The following DPP6 variants were observed in gnomAD, a reference collection of about 807,000 sequenced individuals.
DPP6 encodes the protein dipeptidyl peptidase like 6.
DPP6 carries 69 observed loss-of-function variants against 122.6 expected under a neutral mutation model. The ratio of observed to expected loss-of-function variants is 0.56; its 90% confidence interval spans 0.46 to 0.69. The LOEUF (loss-of-function observed/expected upper bound fraction) is 0.69, where lower values mean the gene tolerates loss of function less well. Ranked by LOEUF, DPP6 falls within the 30% of genes least tolerant of loss-of-function variation. The pLI, the probability that DPP6 is intolerant of heterozygous loss-of-function variation, is 0.00. For missense variants in DPP6, 928 were observed against 1,116.9 expected (o/e 0.83, Z 2.41); for synonymous variants, 418 against 433.1 (o/e 0.97, Z 0.43).
the DPP6 span, among the ~76,000 whole-genome samples, chr7:153,870,793 A>G: frequency 1.2e-4 from 18 of 152,132 alleles, 1 homozygote; most frequent in Admixed American, 9.8e-4. Context: ...ATCTACCTTT[A>G]GTCTTTGATG....
At chr7:153,791,706 C>T in the DPP6 span, among the ~76,000 whole-genome samples, 1 of 152,106 alleles carries the variant, frequency 6.6e-6, no homozygotes, top group African/African-American at 2.4e-5. Flanking sequence ...AGGCATGAGC[C>T]ACTGCGTCCA....
intron 1 of DPP6, among the ~76,000 whole-genome samples, chr7:154,084,937 C>T (rs1464902536): frequency 7.7e-6 from 1 of 129,572 alleles, no homozygotes; most frequent in Admixed American, 9.9e-5. Context: ...TTGCAGTGAG[C>T]TGAGATCGCA....
chr7:154,584,242 C>T (rs1832280008), intron 5 of DPP6, among the ~76,000 whole-genome samples: 1 of 152,222 alleles, frequency 6.6e-6, no homozygotes, highest in African/African-American at 2.4e-5. Context: ...ACCTCTGGGC[C>T]TTTGCAGGCG....
chr7:154,376,055 T>G (rs2151131501), intron 1 of DPP6, among the ~76,000 whole-genome samples: 1 of 152,142 alleles, frequency 6.6e-6, no homozygotes, highest in South Asian at 2.1e-4. Context: ...CCCACCAGCC[T>G]TCCCGGAAAC....
intron 1 of DPP6, among the ~76,000 whole-genome samples, chr7:153,944,217 T>C (rs1199062683): frequency 6.6e-6 from 1 of 152,240 alleles, no homozygotes; most frequent in African/African-American, 2.4e-5. Flanking sequence ...AACCAGTGTG[T>C]GCTCCGGCCC....
At chr7:153,749,291 G>T in the DPP6 span, among the ~76,000 whole-genome samples, 1 of 152,140 alleles carries the variant, frequency 6.6e-6, no homozygotes, top group Non-Finnish European at 1.5e-5. The surrounding 1 kb of genome is among the most constrained non-coding windows in gnomAD (Gnocchi z 4.1). Flanking sequence ...CCTGCTTTGC[G>T]GCTGGGCTGG....
chr7:153,952,635 A>G lies in DPP6; in HGVS notation c.51+64901A>G, dbSNP rs78042519. Reference sequence around the variant, plus strand: ...AATGTCTTATGAGCACCTTTGAATGAAAATCTTGAGTCCTTCCAGCAGAGA... The same window carrying G: ...AATGTCTTATGAGCACCTTTGAATGGAAATCTTGAGTCCTTCCAGCAGAGA... On this transcript the variant is annotated intron_variant, in intron 1 of 25. Transcript: ENST00000404039. 2.8e-3 allele frequency among the ~76,000 whole-genome samples: 425 copies of G among 152,336 alleles called. 5 individuals carry two copies. In the East Asian group the frequency reaches 0.044, roughly 16 times the overall value.
chr7:153,779,134 TACAGAG>T, the DPP6 span, among the ~76,000 whole-genome samples: 4 of 148,288 alleles, frequency 2.7e-5, no homozygotes, highest in Non-Finnish European at 5.9e-5. Context: ...AGAACAAAAG[TACAGAG>T]ACAAAGATCA....
intron 7 of DPP6, among the ~76,000 whole-genome samples, chr7:154,695,585 T>C (rs1436570169): frequency 6.6e-6 from 1 of 151,944 alleles, no homozygotes; most frequent in Non-Finnish European, 1.5e-5. Context: ...TTTTGTGAGT[T>C]TGGAGAAGGA....
intron 10 of DPP6, among the ~76,000 whole-genome samples, chr7:154,773,620 A>G (rs1475801084): frequency 6.6e-6 from 1 of 152,152 alleles, no homozygotes; most frequent in African/African-American, 2.4e-5. Flanking sequence ...ACTCAAAAAG[A>G]GGAGGGGATT....
At chr7:154,102,711 C>T in intron 1 of DPP6, among the ~76,000 whole-genome samples, 1 of 152,132 alleles carries the variant, frequency 6.6e-6, no homozygotes. Flanking sequence ...ACTGAATGGA[C>T]AACTATAAAA....
Position 154,696,396 on chromosome 7 carries a change from T to C in DPP6, c.762+26955T>C, listed in dbSNP as rs563654138. 5.3e-5 allele frequency among the ~76,000 whole-genome samples: 8 copies of C among 152,302 alleles called. No individual in the cohort carries two copies. The East Asian group carries it at 1.4e-3, about 26-fold the overall frequency. On this transcript the variant is annotated intron_variant, in intron 7 of 25. Transcript: ENST00000377770. ...TGGTCTGCCCAGAGCAGTCCAAGTT[T>C]ACCCGGGAGTCCAGGGGAAGTCACA...
At chr7:154,051,732 T>G (rs2628693), upstream of DPP6, among the ~76,000 whole-genome samples, 93,823 of 147,912 alleles carry the variant, frequency 0.63, 30,374 homozygotes, top group African/African-American at 0.71. Flanking sequence ...GCGGGGCGCA[T>G]CGCCCGCGAG....
At chr7:154,585,705 T>C (rs1241936676) in intron 5 of DPP6, among the ~76,000 whole-genome samples, 2 of 152,242 alleles carry the variant, frequency 1.3e-5, no homozygotes, top group Admixed American at 6.5e-5. Flanking sequence ...TGTTCTACTG[T>C]ATTGCTTAGG....
At position 154,503,837 on chromosome 7, in the gene DPP6, C is replaced by T. The variant is rs145684854; in HGVS notation, c.457+28800C>T. 5.2e-3 allele frequency among the ~76,000 whole-genome samples: 795 copies of T among 152,248 alleles called. 8 individuals are homozygous for T. The highest frequency in any genetic ancestry group is 0.018 in the African/African-American group (738 of 41,554). On this transcript the variant is annotated intron_variant, in intron 3 of 25. Transcript: ENST00000377770. ...AATGCTTCTGCATCAGGAGGACTAG[C>T]TAATGGTTGCTGGGCTTAATATCTG... is the stretch of plus-strand genomic sequence containing the variant.
chr7:154,369,218 C>T (rs543697060), intron 1 of DPP6, among the ~76,000 whole-genome samples: 1 of 152,146 alleles, frequency 6.6e-6, no homozygotes, highest in Non-Finnish European at 1.5e-5. Flanking sequence ...CCTCAGCCTC[C>T]CAAATAGCTG....
At chr7:154,361,461 A>T (rs1811714521) in intron 1 of DPP6, among the ~76,000 whole-genome samples, 1 of 152,232 alleles carries the variant, frequency 6.6e-6, no homozygotes, top group African/African-American at 2.4e-5. Context: ...TTTTGTTTAC[A>T]TTAGAAAATG....
At chr7:154,737,442 G>A (rs1288438502) in intron 8 of DPP6, among the ~76,000 whole-genome samples, 1 of 152,182 alleles carries the variant, frequency 6.6e-6, no homozygotes, top group Admixed American at 6.5e-5. Flanking sequence ...TATGTAAATA[G>A]TTGATATGCT....
chr7:153,844,315 C>T, the DPP6 span, among the ~76,000 whole-genome samples: 5 of 152,202 alleles, frequency 3.3e-5, no homozygotes, highest in South Asian at 2.1e-4. Flanking sequence ...CATGGCTTGG[C>T]GCTGATCCTG....
Sources: allele counts gnomAD v4.1 joint callset (sites outside exome capture counted in the v4.1 genomes callset), GRCh38; gene constraint gnomAD v4.1.1; non-coding constraint Gnocchi (gnomAD v3.1); transcripts MANE v1.5; gene names NCBI Gene and HGNC (gene_info 2026-07-23, HGNC 2026-07-21).